SIPA1L1: variants seen among roughly 807,000 people sequenced by gnomAD.
SIPA1L1 encodes the protein signal-induced proliferation-associated 1-like protein 1.
SIPA1L1 carries 26 observed loss-of-function variants against 162.7 expected under a neutral mutation model. The ratio of observed to expected loss-of-function variants is 0.16; its 90% CI spans 0.12 to 0.22. SIPA1L1 has a LOEUF of 0.22. Ranked by LOEUF, SIPA1L1 falls within the 10% of genes least tolerant of loss-of-function variation. The pLI, the probability that SIPA1L1 is intolerant of heterozygous loss-of-function variation, is 1.00. For missense variants in SIPA1L1, 1,874 were observed against 2,241.0 expected (o/e 0.84, Z 3.31); for synonymous variants, 829 against 837.4 (o/e 0.99, Z 0.17).
At chr14:71,683,471 G>A (rs1362251304) in intron 12 of SIPA1L1, among the ~76,000 whole-genome samples, 2 of 152,032 alleles carry the variant, frequency 1.3e-5, no homozygotes, top group African/African-American at 4.8e-5. Context: ...ATATTCCTTT[G>A]GTAAAATGTA....
At chr14:71,535,713 G>T (rs1325002610) in intron 4 of SIPA1L1, among the ~76,000 whole-genome samples, 2 of 152,008 alleles carry the variant, frequency 1.3e-5, no homozygotes, top group African/African-American at 4.8e-5. Context: ...CCAGGTTCAA[G>T]CAGTTCTCCT....
intron 7 of SIPA1L1, among the ~76,000 whole-genome samples, chr14:71,627,184 T>A (rs2040105730): frequency 9.9e-6 from 1 of 101,422 alleles, no homozygotes; most frequent in African/African-American, 3.7e-5. Context: ...TGAGACAGGG[T>A]CTCTGTTTCT....
intron 2 of SIPA1L1, among the ~76,000 whole-genome samples, chr14:71,459,556 A>G (rs1170269538): frequency 1.3e-5 from 2 of 152,138 alleles, no homozygotes; most frequent in African/African-American, 2.4e-5. Context: ...GAGCAAGGAG[A>G]GCCAGTCCGA....
intron 4 of SIPA1L1, among the ~76,000 whole-genome samples, chr14:71,543,952 C>T (rs182325250): frequency 5.5e-5 from 8 of 146,684 alleles, no homozygotes; most frequent in Non-Finnish European, 1.1e-4. Flanking sequence ...TATACATATA[C>T]GCACATGTAT....
intron 3 of SIPA1L1, among the ~76,000 whole-genome samples, chr14:71,513,933 G>A (rs958498997): frequency 2.0e-5 from 3 of 152,226 alleles, no homozygotes; most frequent in Admixed American, 6.5e-5. Context: ...TTCCTTGGGA[G>A]TCCTCCGCTG....
intron 2 of SIPA1L1, among the ~76,000 whole-genome samples, chr14:71,403,180 C>G (rs992561521): frequency 6.6e-6 from 1 of 152,190 alleles, no homozygotes; most frequent in Non-Finnish European, 1.5e-5. Context: ...ATGTACTTCT[C>G]TGCCTCAATA....
chr14:71,691,655 C>G (rs1400148312), intron 13 of SIPA1L1, among the ~76,000 whole-genome samples: 1 of 152,132 alleles, frequency 6.6e-6, no homozygotes, highest in East Asian at 1.9e-4. Context: ...TCACCACCCC[C>G]ATCCCTAGGC....
Position 71,476,372 on chromosome 14 carries a change from G to A in SIPA1L1, c.-464-36371G>A, listed in dbSNP as rs982770593. 6.6e-5 allele frequency among the ~76,000 whole-genome samples: 10 copies of A among 152,166 alleles called. 1 individual carries two copies. Among genetic ancestry groups the A allele is most frequent in the Admixed American group, 2.0e-4 (3 of 15,282 alleles). ...CTGTTGGGCTCTGTTGAACATTAGC[G>A]TTCTTGCTGTTAAACAGTCATATTT... On this transcript the variant is annotated intron_variant, in intron 2 of 23. Coordinates refer to ENST00000381232, the MANE Select transcript of SIPA1L1 (RefSeq NM_001386936.1).
chr14:71,566,603 A>G (rs1273344929), intron 4 of SIPA1L1, among the ~76,000 whole-genome samples: 2 of 152,256 alleles, frequency 1.3e-5, no homozygotes, highest in African/African-American at 2.4e-5. Context: ...TTGACATTGT[A>G]TACAAGTCAG....
At chr14:71,551,238 A>T (rs1567194177) in intron 4 of SIPA1L1, among the ~76,000 whole-genome samples, 1 of 152,060 alleles carries the variant, frequency 6.6e-6, no homozygotes, top group African/African-American at 2.4e-5. Flanking sequence ...ACAAAACAAA[A>T]ACCTTGATGT....
chr14:71,706,782 C>G (rs2082469857), intron 16 of SIPA1L1, among the ~76,000 whole-genome samples: 1 of 152,094 alleles, frequency 6.6e-6, no homozygotes, highest in African/African-American at 2.4e-5. Flanking sequence ...ACCTGTAATC[C>G]TAGCACTTTG....
At chr14:71,459,823 A>C (rs2046457534) in intron 2 of SIPA1L1, among the ~76,000 whole-genome samples, 1 of 152,116 alleles carries the variant, frequency 6.6e-6, no homozygotes, top group South Asian at 2.1e-4. Context: ...CACACTCTTC[A>C]ATCTATTCGA....
chr14:71,653,082 CAGGCAGTGAAGTTGCAG>C (rs1197419509), intron 8 of SIPA1L1, among the ~76,000 whole-genome samples: 4 of 152,210 alleles, frequency 2.6e-5, no homozygotes, highest in South Asian at 2.1e-4. Flanking sequence ...TTTGTTTTGG[CAGGCAGTGAAGTTGCAG>C]AACAGCTTGA....
chr14:71,661,898 C>G (rs2043553458), intron 10 of SIPA1L1, among the ~76,000 whole-genome samples: 1 of 152,210 alleles, frequency 6.6e-6, no homozygotes, highest in African/African-American at 2.4e-5. Context: ...CGTTAGCACT[C>G]TGACTACAAG....
At chr14:71,655,756 G>C (rs1186028707) in intron 8 of SIPA1L1, among the ~76,000 whole-genome samples, 2 of 151,972 alleles carry the variant, frequency 1.3e-5, no homozygotes, top group South Asian at 2.1e-4. Context: ...TGTTGGCTAC[G>C]TGTATGTCTT....
In SIPA1L1 at chr14:71,425,621, G is replaced by T. The variant is rs569741551; in HGVS notation, c.-464-87122G>T. ...AAAATCTGTTGAGACTTAATTTGTG[G>T]CTTAGTATATGGCTTGTCCTGGAAA... On this transcript the variant is annotated intron_variant, in intron 2 of 23. Coordinates refer to ENST00000381232, the MANE Select transcript of SIPA1L1 (RefSeq NM_001386936.1). Among the ~76,000 whole-genome samples, 3 of 152,144 alleles carry T rather than the reference G, an allele frequency of 2.0e-5. No homozygotes were observed. In the South Asian group the frequency reaches 6.2e-4, roughly 32 times the overall value.
At chr14:71,592,832 C>G (rs1051265945) in intron 5 of SIPA1L1, among the ~76,000 whole-genome samples, 1 of 152,174 alleles carries the variant, frequency 6.6e-6, no homozygotes, top group Non-Finnish European at 1.5e-5. Context: ...AATACTGGAT[C>G]AGTAGAGGAA....
intron 2 of SIPA1L1, among the ~76,000 whole-genome samples, chr14:71,393,197 C>T (rs2040903085): frequency 6.6e-6 from 1 of 152,124 alleles, no homozygotes; most frequent in Non-Finnish European, 1.5e-5. Flanking sequence ...TTTGGATTAC[C>T]TTCTTTTAAT....
intron 2 of SIPA1L1, among the ~76,000 whole-genome samples, chr14:71,503,364 T>G (rs1167530333): frequency 6.6e-6 from 1 of 152,234 alleles, no homozygotes; most frequent in Non-Finnish European, 1.5e-5. Flanking sequence ...CTGTCCTCAA[T>G]AAGCTGATTA....
Sources: gnomAD v4.1 joint callset for allele counts (sites outside exome capture counted in the v4.1 genomes callset) on GRCh38, gnomAD v4.1.1 for gene constraint, MANE v1.5 for transcripts, NCBI Gene and HGNC (gene_info 2026-07-23, HGNC 2026-07-21) for gene names.